ADAMTS17: variants seen among roughly 807,000 people sequenced by gnomAD.
ADAMTS17 encodes the protein A disintegrin and metalloproteinase with thrombospondin motifs 17.
Under a neutral mutation model 141.5 loss-of-function variants are expected in ADAMTS17, and 113 were observed. That is an observed-to-expected ratio of 0.80 (90% confidence interval 0.69 to 0.93). The LOEUF (loss-of-function observed/expected upper bound fraction) is 0.93, where lower values mean the gene tolerates loss of function less well. Among genes scored for constraint, ADAMTS17 ranks in the 40% least tolerant of loss-of-function variants. The probability of loss-of-function intolerance (pLI) is 0.00; values close to 1 mark genes in which losing one functional copy is unlikely to be tolerated. For missense variants in ADAMTS17, 1,659 were observed against 1,517.9 expected (o/e 1.09, Z -1.54); for synonymous variants, 768 against 630.6 (o/e 1.22, Z -3.27).
chr15:100,291,695 T>A (rs2044629344), intron 3 of ADAMTS17, among the ~76,000 whole-genome samples: 1 of 152,192 alleles, frequency 6.6e-6, no homozygotes, highest in Admixed American at 6.5e-5. Context: ...CTGCAGCACA[T>A]GGATGGAGCG....
intron 10 of ADAMTS17, among the ~76,000 whole-genome samples, chr15:100,139,814 C>A (rs1468525055): frequency 1.3e-5 from 2 of 152,116 alleles, no homozygotes; most frequent in Non-Finnish European, 2.9e-5. Context: ...GGCTGAGGAA[C>A]TGTTATTGGA....
intron 11 of ADAMTS17, among the ~76,000 whole-genome samples, chr15:100,132,647 C>A (rs1288700012): frequency 6.6e-6 from 1 of 152,234 alleles, no homozygotes; most frequent in Non-Finnish European, 1.5e-5. Flanking sequence ...ACAGCACATA[C>A]CCTGAGGTGC....
rs572716880 is a variant in ADAMTS17, at chr15:99,997,554, G to A, written c.2627C>T (p.Thr876Ile). 6 of 1,613,524 alleles carry A rather than the reference G, an allele frequency of 3.7e-6. No individual in the cohort carries two copies. Among genetic ancestry groups the A allele is most frequent in the Non-Finnish European group, 4.2e-6 (5 of 1,180,022 alleles). Residue 876 changes from threonine to isoleucine, a missense_variant, in exon 19 of 22, where the codon ACC (threonine) becomes ATC (isoleucine). Coordinates refer to ENST00000268070, the MANE Select transcript of ADAMTS17 (RefSeq NM_139057.4). The surrounding 1 kb of genome is among the most constrained non-coding windows in gnomAD (Gnocchi z 4.7). ...VAGPWSPCSA[T>I]CEKGFQHREV... is the part of the protein sequence containing the mutation. ...CCGGTGCTGGAAGCCTTTCTCACAG[G>A]TCGCCGAGCAGGGGCTCCACGGGCC...
chr15:100,307,207 A>G (rs2141840751), intron 3 of ADAMTS17, among the ~76,000 whole-genome samples: 1 of 152,320 alleles, frequency 6.6e-6, no homozygotes, highest in Non-Finnish European at 1.5e-5. Flanking sequence ...TGTGATGACC[A>G]CGTTATAGGA....
chr15:100,250,583 C>T (rs561505354), intron 7 of ADAMTS17, among the ~76,000 whole-genome samples: 66 of 152,200 alleles, frequency 4.3e-4, no homozygotes, highest in African/African-American at 1.5e-3. Context: ...AGAGGCAGTC[C>T]GAGGGGGCAT....
intron 2 of ADAMTS17, among the ~76,000 whole-genome samples, chr15:100,335,244 C>T (rs2046173533): frequency 6.6e-6 from 1 of 152,202 alleles, no homozygotes; most frequent in African/African-American, 2.4e-5. Flanking sequence ...GTCCAAATGC[C>T]TTCGGTTGGC....
chr15:100,340,954 A>T, intron 2 of ADAMTS17, 85 bp downstream of exon 2: 3 of 1,479,634 alleles, frequency 2.0e-6, no homozygotes, highest in Non-Finnish European at 2.7e-6. Flanking sequence ...CTTCCAGCAG[A>T]GGCGCCCCAC....
At chr15:100,155,138 C>A in intron 9 of ADAMTS17, 42 bp downstream of exon 9, 1 of 1,613,948 alleles carries the variant, frequency 6.2e-7, no homozygotes, top group Non-Finnish European at 8.5e-7. Flanking sequence ...TTTGGAAGTA[C>A]TTTTGATTGC....
intron 20 of ADAMTS17, among the ~76,000 whole-genome samples, chr15:99,977,938 TG>T (rs1342619993): frequency 6.6e-6 from 1 of 152,202 alleles, no homozygotes; most frequent in Non-Finnish European, 1.5e-5. Flanking sequence ...TACAGGGTTC[TG>T]AGAGCAGTCA....
Position 99,997,427 on chromosome 15 carries a change from G to A in ADAMTS17, c.2754C>T (p.Gly918=). ...CCTCCCAGATGGACAGGCAGTCCTGGCCTTCACAGCTCTGCACTGCCGCCG... is the reference window on the plus strand; with the variant it reads ...CCTCCCAGATGGACAGGCAGTCCTGACCTTCACAGCTCTGCACTGCCGCCG... ...PRPAAVQSCE[G]QDCLSIWEAS... The change falls in exon 19 of 22, where the codon GGC becomes GGT. Residue 918 remains glycine (G), a synonymous_variant. Coordinates refer to ENST00000268070, the MANE Select transcript of ADAMTS17 (RefSeq NM_139057.4). The surrounding 1 kb of genome is among the most constrained non-coding windows in gnomAD (Gnocchi z 4.7). The A allele has an allele frequency of 2.5e-6, 4 of 1,613,744 alleles. No homozygotes were observed. Among genetic ancestry groups the A allele is most frequent in the Non-Finnish European group, 3.4e-6 (4 of 1,179,996 alleles).
chr15:100,252,461 A>G (rs941358711), intron 7 of ADAMTS17, among the ~76,000 whole-genome samples: 20 of 152,144 alleles, frequency 1.3e-4, no homozygotes, highest in African/African-American at 4.6e-4. Context: ...CACGATTGAG[A>G]GATTATGTCT....
intron 14 of ADAMTS17, among the ~76,000 whole-genome samples, chr15:100,097,824 T>C (rs562179653): frequency 3.9e-5 from 6 of 152,330 alleles, no homozygotes; most frequent in South Asian, 2.1e-4. Context: ...CTCAAAGGAA[T>C]AGGTGAATGC....
intron 15 of ADAMTS17, among the ~76,000 whole-genome samples, chr15:100,070,254 G>A (rs1408595198): frequency 7.0e-6 from 1 of 141,962 alleles, no homozygotes; most frequent in African/African-American, 2.5e-5. Context: ...AGTCCTGAGT[G>A]ACCTACAAAG....
chr15:100,251,245 C>G (rs1180554752), intron 7 of ADAMTS17, among the ~76,000 whole-genome samples: 1 of 152,174 alleles, frequency 6.6e-6, no homozygotes, highest in Non-Finnish European at 1.5e-5. Context: ...CATTAAAAGA[C>G]TTTCTTGTTA....
At chr15:100,333,216 G>A (rs577467320) in intron 2 of ADAMTS17, among the ~76,000 whole-genome samples, 50 of 152,150 alleles carry the variant, frequency 3.3e-4, no homozygotes, top group Non-Finnish European at 5.9e-4. Context: ...ACGACCTAAC[G>A]GTTTGTTCCA....
chr15:100,162,087 G>A (rs1037007794), intron 8 of ADAMTS17, among the ~76,000 whole-genome samples: 4 of 152,154 alleles, frequency 2.6e-5, no homozygotes, highest in Non-Finnish European at 5.9e-5. Flanking sequence ...CCAATATAGT[G>A]TTGGTGTTCA....
chr15:100,249,081 C>G (rs4608319), intron 7 of ADAMTS17, among the ~76,000 whole-genome samples: 114,655 of 152,088 alleles, frequency 0.75, 43,453 homozygotes, highest in East Asian at 0.87. Context: ...TTACAGGCGT[C>G]AGCCACCACG....
At chr15:100,279,334 G>A (rs370070457) in intron 4 of ADAMTS17, among the ~76,000 whole-genome samples, 11 of 152,292 alleles carry the variant, frequency 7.2e-5, no homozygotes, top group African/African-American at 1.9e-4. Context: ...AAACAAAGGC[G>A]CCTGTGGCCT....
chr15:100,249,813 A>G (rs947049496), intron 7 of ADAMTS17, among the ~76,000 whole-genome samples: 6 of 152,230 alleles, frequency 3.9e-5, no homozygotes, highest in Non-Finnish European at 8.8e-5. Flanking sequence ...GCTTCATTCA[A>G]ACTGAGATCT....
Sources: allele counts gnomAD v4.1 joint callset (sites outside exome capture counted in the v4.1 genomes callset), GRCh38; gene constraint gnomAD v4.1.1; non-coding constraint Gnocchi (gnomAD v3.1); transcripts MANE v1.5; gene names NCBI Gene and HGNC (gene_info 2026-07-23, HGNC 2026-07-21).